RABL6: variants seen among roughly 807,000 people sequenced by gnomAD.
RABL6 encodes rab-like protein 6.
A neutral mutation model predicts 72.9 loss-of-function variants in RABL6; 28 were observed. That is an observed-to-expected ratio of 0.38 (90% CI 0.28 to 0.53). The LOEUF is 0.53. Among genes scored for constraint, RABL6 ranks in the 20% least tolerant of loss-of-function variants. The pLI, the probability that RABL6 is intolerant of heterozygous loss-of-function variation, is 0.80. For synonymous variants in RABL6, 477 were observed against 421.2 expected, an observed-to-expected ratio of 1.13 and a Z score of -1.62; for missense variants, 1,029 against 1,008.4, an observed-to-expected ratio of 1.02 and a Z score of -0.28.
chr9:136,836,027 C>T (rs1848578910), intron 8 of RABL6, 182 bp downstream of exon 8: 8 of 601,754 alleles, frequency 1.3e-5, no homozygotes, highest in East Asian at 2.9e-5. Flanking sequence ...AGCCCCCCCA[C>T]AGTCACCCCT....
At chr9:136,814,229 T>C (rs1848070812) in intron 1 of RABL6, 16 of 225,414 alleles carry the variant, frequency 7.1e-5, no homozygotes. Flanking sequence ...CTTGCTCTGT[T>C]ACCCAGGCTG....
rs763529374 is a variant in RABL6, at chr9:136,825,833, C to T, written c.313+7C>T. The T allele has an allele frequency of 5.0e-6, 8 of 1,609,428 alleles. No individual in the cohort carries two copies. In the Middle Eastern group the frequency reaches 4.9e-4, roughly 99 times the overall value. ...TGGGATGTAGTAGACAAAGGTGAGG[C>T]GTCTCTGTTCTGTGTCTGCTTCTCT... On this transcript the variant is annotated splice_region_variant and intron_variant, in intron 3 of 14. Transcript: ENST00000311502.
In RABL6 at chr9:136,840,999, G is replaced by A. The variant is rs1314067159; in HGVS notation, c.*477G>A. The stretch of plus-strand genomic sequence containing the variant: ...GGTGTGCAGACTCACCCTAAAGGGC[G>A]GCCCAGGCCCCACGCTAGAAGGCTG... On this transcript the variant is annotated 3_prime_UTR_variant, in exon 15 of 15. Transcript: ENST00000311502. 3.5e-5 allele frequency: 51 copies of A among 1,441,240 alleles called. No homozygotes were observed. The highest frequency in any genetic ancestry group is 3.2e-4 in the Admixed American group (11 of 34,408). The allele number at this position is 1,441,240 out of a possible 1,614,324, so 89.3% of individuals were successfully genotyped here.
intron 1 of RABL6, chr9:136,821,945 C>G: frequency 1.6e-6 from 2 of 1,288,940 alleles, no homozygotes; most frequent in African/African-American, 3.0e-5. Flanking sequence ...TGCCGCAGCG[C>G]TGGCCGGCGC....
intron 10 of RABL6, 61 bp from the exon 11 acceptor site, chr9:136,838,848 G>C: frequency 7.0e-7 from 1 of 1,432,280 alleles, no homozygotes; most frequent in Non-Finnish European, 9.3e-7. Context: ...ACCAAGGCCC[G>C]TGAGCCCGGC....
chr9:136,810,634 C>T (rs897712051), intron 1 of RABL6, among the ~76,000 whole-genome samples: 11 of 152,088 alleles, frequency 7.2e-5, no homozygotes, highest in Non-Finnish European at 1.3e-4. Flanking sequence ...CTCCTCCTCC[C>T]GGGTTCACAC....
chr9:136,810,682 T>C (rs780848338), intron 1 of RABL6, among the ~76,000 whole-genome samples: 1 of 151,990 alleles, frequency 6.6e-6, no homozygotes, highest in Non-Finnish European at 1.5e-5. Flanking sequence ...GCTGGGACTA[T>C]AGGCACCGGC....
chr9:136,812,768 C>G lies in RABL6; in HGVS notation c.130+4442C>G, dbSNP rs1211085378. The G allele has an allele frequency of 8.9e-6, 3 of 336,446 alleles. No homozygotes were observed. The Admixed American group carries it at 9.4e-5, about 11-fold the overall frequency. The allele number at this position is 336,446 out of a possible 1,614,324, so 20.8% of individuals were successfully genotyped here. A position where few individuals can be genotyped will look rare whatever the true frequency, so the allele number is the denominator to read the frequency against. ...TTCTTTCAAATGGGAGAGGGAAAGACAAAGGGACAGAAGCCGTTCAAACTT... is the reference window on the plus strand; with the variant it reads ...TTCTTTCAAATGGGAGAGGGAAAGAGAAAGGGACAGAAGCCGTTCAAACTT... On this transcript the variant is annotated intron_variant, in intron 1 of 14. Coordinates refer to ENST00000311502, the MANE Select transcript of RABL6 (RefSeq NM_024718.5).
intron 4 of RABL6, 54 bp from the exon 5 acceptor site, chr9:136,829,339 C>T (rs1848422629): frequency 3.6e-6 from 5 of 1,401,104 alleles, no homozygotes; most frequent in Non-Finnish European, 4.9e-6. Context: ...CTGTGGGCCA[C>T]ACGGGTGGGG....
Position 136,835,845 on chromosome 9 carries a change from T to C in RABL6, c.809T>C (p.Ile270Thr), listed in dbSNP as rs1441191382. The change falls in exon 8 of 15, where the codon ATC becomes ACC. Residue 270 changes from isoleucine to threonine, a missense_variant and splice_region_variant. By Grantham distance (89) the Ile-to-Thr change is moderately conservative. Coordinates refer to ENST00000311502, the MANE Select transcript of RABL6 (RefSeq NM_024718.5). ...GAGACGGAGGACCAGAACTACGGCA[T>C]GTATGTGGCCGGACCCGCCCGTGCG... ...QQETEDQNYG[I>T]FLEMMEARSR... The C allele has an allele frequency of 6.4e-7, 1 of 1,552,264 alleles. No individual in the cohort carries two copies. The highest frequency in any genetic ancestry group is 1.9e-5 in the Admixed American group (1 of 51,304).
intron 4 of RABL6, among the ~76,000 whole-genome samples, chr9:136,828,860 C>G (rs532487454): frequency 1.3e-5 from 2 of 152,212 alleles, no homozygotes; most frequent in Non-Finnish European, 2.9e-5. Context: ...AAGCACAGGA[C>G]ACATCTCGCA....
intron 1 of RABL6, chr9:136,821,984 G>C: frequency 7.8e-7 from 1 of 1,289,694 alleles, no homozygotes; most frequent in Non-Finnish European, 1.0e-6. Flanking sequence ...GTTGAAAGTT[G>C]GCGCGTTGAG....
chr9:136,825,134 G>A (rs1356791670), intron 2 of RABL6, among the ~76,000 whole-genome samples: 3 of 152,230 alleles, frequency 2.0e-5, no homozygotes, highest in African/African-American at 4.8e-5. Flanking sequence ...GCCCAGCTGC[G>A]ATGGTGCGGT....
At chr9:136,824,373 C>T (rs1483414599) in intron 2 of RABL6, among the ~76,000 whole-genome samples, 2 of 137,028 alleles carry the variant, frequency 1.5e-5, no homozygotes, top group African/African-American at 2.7e-5. Context: ...CACTGTCGCC[C>T]AGACTGGAAT....
intron 4 of RABL6, 75 bp from the exon 5 acceptor site, chr9:136,829,318 C>A: frequency 1.8e-6 from 2 of 1,135,718 alleles, no homozygotes; most frequent in Non-Finnish European, 2.6e-6. Flanking sequence ...ACTATCCAGC[C>A]TTTTCTAAAA....
rs575271409 is a variant in RABL6 at position 136,811,313 on chromosome 9, A to G, written c.130+2987A>G. 1.3e-4 allele frequency among the ~76,000 whole-genome samples: 20 copies of G among 152,264 alleles called. 1 individual carries two copies. In the South Asian group the frequency reaches 2.7e-3, roughly 21 times the overall value. On this transcript the variant is annotated intron_variant, in intron 1 of 14. Coordinates refer to ENST00000311502, the MANE Select transcript of RABL6 (RefSeq NM_024718.5). ...AAGTGGGGGCTTCCAGGTCGGAGGT[A>G]GTTTAAAAAAATTGTGTTTTTTTGC...
intron 2 of RABL6, 89 bp from the exon 3 acceptor site, chr9:136,825,690 G>T (rs1019412272): frequency 2.8e-6 from 4 of 1,420,158 alleles, no homozygotes; most frequent in Admixed American, 3.4e-5. Context: ...GGTGGCTGCG[G>T]GGCACAGACA....
rs145215909 is a variant in RABL6 at position 136,833,857 on chromosome 9, G to A, written c.705+1487G>A. Reference sequence around the variant, plus strand: ...GCGGCAGTCAGACTTGTCCTGTGCCGGCACTGCTGGGGAGGCCCCTCCTTC... The same window carrying A: ...GCGGCAGTCAGACTTGTCCTGTGCCAGCACTGCTGGGGAGGCCCCTCCTTC... On this transcript the variant is annotated intron_variant, in intron 7 of 14. Coordinates refer to ENST00000311502, the MANE Select transcript of RABL6 (RefSeq NM_024718.5). 3.3e-4 allele frequency: 508 copies of A among 1,550,500 alleles called. 1 individual carries two copies. The African/African-American group carries it at 5.3e-3, about 16-fold the overall frequency.
At chr9:136,809,613 A>G (rs1847960549) in intron 1 of RABL6, 1 of 158,830 alleles carries the variant, frequency 6.3e-6, no homozygotes. Context: ...CGTCTCTACT[A>G]AAAATACGAA....
Sources: gnomAD v4.1 joint callset for allele counts (sites outside exome capture counted in the v4.1 genomes callset) on GRCh38, gnomAD v4.1.1 for gene constraint, MANE v1.5 for transcripts, NCBI Gene and HGNC (gene_info 2026-07-23, HGNC 2026-07-21) for gene names.